Variants in P2RY8 observed in about 807,000 individuals in gnomAD.
The protein encoded by P2RY8 is P2Y receptor family member 8.
P2RY8 carries 6 observed loss-of-function variants against 10.0 expected under a neutral mutation model. The ratio of observed to expected loss-of-function variants is 0.60; its 90% CI spans 0.33 to 1.19. The LOEUF (loss-of-function observed/expected upper bound fraction) is 1.19, where lower values mean the gene tolerates loss of function less well. Ranked by LOEUF, P2RY8 falls within the 50% of genes most tolerant of loss-of-function variation. The pLI is 0.04. For synonymous variants in P2RY8, 276 were observed against 252.5 expected, an observed-to-expected ratio of 1.09 and a Z score of -0.88; for missense variants, 456 against 542.0, an observed-to-expected ratio of 0.84 and a Z score of 1.58.
At chrX:1,471,439 C>T (rs1253506746) in intron 1 of P2RY8, among the ~76,000 whole-genome samples, 1 of 143,928 alleles carries the variant, frequency 6.9e-6, no homozygotes, top group Non-Finnish European at 1.5e-5. Context: ...GCTGGGATTA[C>T]AGGCACGAGC....
At chrX:1,524,688 T>C (rs1345163133) in intron 1 of P2RY8, among the ~76,000 whole-genome samples, 1 of 121,500 alleles carries the variant, frequency 8.2e-6, no homozygotes, top group Non-Finnish European at 1.8e-5. Context: ...CATCCATCCA[T>C]CCATCCATCC....
Position 1,466,668 on chromosome X carries a change from G to A in P2RY8, c.-24-86C>T, listed in dbSNP as rs760146481. ...GGAGGGCTCCTGAGCGCCGCTCCCC[G>A]GGGACCAAGGCGGGGGAGATGCTTT... is the stretch of plus-strand genomic sequence containing the variant. On this transcript the variant is annotated intron_variant, in intron 1 of 1. Coordinates refer to ENST00000381297, the MANE Select transcript of P2RY8 (RefSeq NM_178129.5). 21 of 1,315,910 alleles carry A rather than the reference G, an allele frequency of 1.6e-5. No individual in the cohort carries two copies. The East Asian group carries it at 4.7e-4, about 29-fold the overall frequency. The allele number at this position is 1,315,910 out of a possible 1,614,324, so 81.5% of individuals were successfully genotyped here.
chrX:1,498,042 G>C (rs1290022644), intron 1 of P2RY8, among the ~76,000 whole-genome samples: 2 of 152,126 alleles, frequency 1.3e-5, no homozygotes, highest in African/African-American at 2.4e-5. Flanking sequence ...TGCTCCCTGC[G>C]AGCTGATTCC....
chrX:1,514,240 G>C (rs1346778777), intron 1 of P2RY8, among the ~76,000 whole-genome samples: 1 of 152,138 alleles, frequency 6.6e-6, no homozygotes, highest in Non-Finnish European at 1.5e-5. Context: ...GTCTGCTCAG[G>C]CTGGCTCTTC....
chrX:1,489,297 G>A (rs1376962772), intron 1 of P2RY8, among the ~76,000 whole-genome samples: 1 of 151,304 alleles, frequency 6.6e-6, no homozygotes, highest in Non-Finnish European at 1.5e-5. Flanking sequence ...AAATGTAGAG[G>A]GAATGAATAT....
chrX:1,512,509 T>C (rs1221535703), intron 1 of P2RY8, among the ~76,000 whole-genome samples: 1 of 135,510 alleles, frequency 7.4e-6, no homozygotes, highest in African/African-American at 2.8e-5. Context: ...ATCATGCCAT[T>C]GCACTCCAGC....
intron 1 of P2RY8, among the ~76,000 whole-genome samples, chrX:1,467,748 C>T (rs2091709642): frequency 1.3e-5 from 2 of 152,246 alleles, no homozygotes; most frequent in South Asian, 4.1e-4. Flanking sequence ...GCAAACGTAA[C>T]TCACTGCAGC....
At chrX:1,509,240 A>T (rs2092271375) in intron 1 of P2RY8, among the ~76,000 whole-genome samples, 1 of 141,018 alleles carries the variant, frequency 7.1e-6, no homozygotes, top group Non-Finnish European at 1.6e-5. Context: ...TCTCTCTATC[A>T]TCTATGTATC....
At chrX:1,505,759 C>T (rs1307952026) in intron 1 of P2RY8, among the ~76,000 whole-genome samples, 2 of 152,060 alleles carry the variant, frequency 1.3e-5, no homozygotes. Context: ...CATTGCACTC[C>T]AGCTTGGGCG....
intron 1 of P2RY8, among the ~76,000 whole-genome samples, chrX:1,477,622 T>C (rs2091890277): frequency 6.6e-6 from 1 of 152,150 alleles, no homozygotes; most frequent in African/African-American, 2.4e-5. Context: ...GATTCAGGTA[T>C]CATAATTGGG....
At chrX:1,478,793 G>A (rs2091904792) in intron 1 of P2RY8, among the ~76,000 whole-genome samples, 1 of 152,020 alleles carries the variant, frequency 6.6e-6, no homozygotes. Context: ...ATCTTTTTAT[G>A]TGAACATAGA....
intron 1 of P2RY8, among the ~76,000 whole-genome samples, chrX:1,493,427 GGAGGGAGGGAA>G (rs774520382): frequency 0.022 from 939 of 42,676 alleles, 68 homozygotes; most frequent in Non-Finnish European, 0.035. Flanking sequence ...GGAGGAAGGA[GGAGGGAGGGAA>G]GGAGGAGGAA....
intron 1 of P2RY8, among the ~76,000 whole-genome samples, chrX:1,494,697 G>A (rs6644718): frequency 0.3 from 45,589 of 151,800 alleles, 6,951 homozygotes; most frequent in South Asian, 0.43. Context: ...AAATATGTAT[G>A]TCCATAGTCA....
intron 1 of P2RY8, among the ~76,000 whole-genome samples, chrX:1,490,910 A>G (rs1162036557): frequency 2.7e-5 from 4 of 149,600 alleles, no homozygotes; most frequent in Non-Finnish European, 5.9e-5. Flanking sequence ...TTCCCTGCAA[A>G]TGTGGGGGGA....
intron 1 of P2RY8, among the ~76,000 whole-genome samples, chrX:1,506,359 T>C (rs1305197895): frequency 6.6e-6 from 1 of 152,142 alleles, no homozygotes; most frequent in African/African-American, 2.4e-5. Context: ...AGGAGGCTAA[T>C]TGGGTAGACA....
At chrX:1,512,445 G>A (rs1456596718) in intron 1 of P2RY8, among the ~76,000 whole-genome samples, 4 of 151,158 alleles carry the variant, frequency 2.6e-5, no homozygotes, top group Non-Finnish European at 5.9e-5. Flanking sequence ...TACTCGGGAG[G>A]CTGAAGCAGG....
Position 1,462,772 on chromosome X carries a change from C to T in P2RY8, c.*2707G>A. Reference sequence around the variant, plus strand: ...ATGGAGGCTGAGACTTTTTGGAATCCCTCCCTCTCTCCATGTCCTGCCAAG... The same window carrying T: ...ATGGAGGCTGAGACTTTTTGGAATCTCTCCCTCTCTCCATGTCCTGCCAAG... On this transcript the variant is annotated 3_prime_UTR_variant, in exon 2 of 2. Transcript: ENST00000381297. 8.6e-6 allele frequency: 2 copies of T among 232,936 alleles called. No homozygotes were observed. The highest frequency in any genetic ancestry group is 1.2e-4 in the East Asian group (2 of 16,576). 14.4% of individuals were successfully genotyped at this position (232,936 alleles called of 1,614,324 possible). A position where few individuals can be genotyped will look rare whatever the true frequency, so the allele number is the denominator to read the frequency against.
At chrX:1,536,322 C>T (rs1373437669) in intron 1 of P2RY8, among the ~76,000 whole-genome samples, 3 of 151,492 alleles carry the variant, frequency 2.0e-5, no homozygotes, top group South Asian at 4.2e-4. Flanking sequence ...AGTGCAGTGG[C>T]GTGATCTCTG....
chrX:1,466,535 G>T lies in P2RY8; in HGVS notation c.24C>A (p.Gly8=). Residue 8 remains glycine, a synonymous_variant, in exon 2 of 2, where the codon GGC becomes GGA. Transcript: ENST00000381297. MQVPNST[G]PDNATLQMLR... ...GCATCTGCAGCGTCGCGTTGTCCGGGCCGGTGCTGTTCGGGACCTGCATCC... is the reference window on the plus strand; with the variant it reads ...GCATCTGCAGCGTCGCGTTGTCCGGTCCGGTGCTGTTCGGGACCTGCATCC... 1 of 1,608,304 alleles carries T rather than the reference G, an allele frequency of 6.2e-7. No homozygotes were observed.
Sources: gnomAD v4.1 joint callset for allele counts (sites outside exome capture counted in the v4.1 genomes callset) on GRCh38, gnomAD v4.1.1 for gene constraint, MANE v1.5 for transcripts, NCBI Gene and HGNC (gene_info 2026-07-23, HGNC 2026-07-21) for gene names.